ATP2B2: variants seen among roughly 807,000 people sequenced by gnomAD.
The protein encoded by ATP2B2 is plasma membrane calcium-transporting ATPase 2.
Under a neutral mutation model 120.0 loss-of-function variants are expected in ATP2B2, and 15 were observed. The observed-to-expected ratio is 0.12, with a 90% CI of 0.08 to 0.19. The LOEUF (loss-of-function observed/expected upper bound fraction) is 0.19. Ranked by LOEUF, ATP2B2 falls within the 10% of genes least tolerant of loss-of-function variation. ATP2B2 has a pLI of 1.00. For missense variants in ATP2B2, 1,045 were observed against 1,719.8 expected, an observed-to-expected ratio of 0.61 and a Z score of 6.94; for synonymous variants, 694 against 700.3, an observed-to-expected ratio of 0.99 and a Z score of 0.14.
intron 22 of ATP2B2, among the ~76,000 whole-genome samples, chr3:10,333,110 C>T (rs1316623873): frequency 6.6e-6 from 1 of 152,092 alleles, no homozygotes; most frequent in Admixed American, 6.5e-5. Context: ...GCGATGTGTT[C>T]AGGGGTTTTC....
intron 1 of ATP2B2, among the ~76,000 whole-genome samples, chr3:10,680,993 G>A (rs569699937): frequency 1.1e-4 from 16 of 152,184 alleles, no homozygotes; most frequent in East Asian, 1.9e-4. Flanking sequence ...GTGTGCTCTC[G>A]CGAGATCTGG....
chr3:10,346,037 G>A lies in ATP2B2; in HGVS notation c.2505C>T (p.Phe835=), dbSNP rs770755497. The change falls in exon 17 of 23, where the codon TTC becomes TTT. Residue 835 remains phenylalanine, a synonymous_variant. Coordinates refer to ENST00000360273, the MANE Select transcript of ATP2B2 (RefSeq NM_001001331.4). This position sits in a 1 kb window ranked among gnomAD's most constrained non-coding sequence, Gnocchi z 4.1. The stretch of plus-strand genomic sequence containing the variant: ...CTCTGTGGGCCGTTCCTACCATGGC[G>A]AAGCCCACGTCGGCCTTCTTGAGTG... The part of the protein sequence containing the change: ...GPALKKADVG[F]AMGIAGTDVA... 8.0e-5 allele frequency: 129 copies of A among 1,611,404 alleles called. 2 individuals are homozygous for A. The highest frequency in any genetic ancestry group is 4.9e-4 in the Middle Eastern group (3 of 6,062).
chr3:10,691,468 G>C, intron 1 of ATP2B2, among the ~76,000 whole-genome samples: 1 of 152,172 alleles, frequency 6.6e-6, no homozygotes, highest in Non-Finnish European at 1.5e-5. Context: ...TTTTCCAGCT[G>C]TGGTTCCTTG....
rs76758458 is a variant in ATP2B2, at chr3:10,694,208, T to G, written c.-460+13707A>C. Among the ~76,000 whole-genome samples the G allele has an allele frequency of 2.5e-4, 38 of 152,362 alleles. 1 individual carries two copies. In the East Asian group the frequency reaches 7.3e-3, roughly 29 times the overall value. Reference sequence around the variant, plus strand: ...CTGTGTGTGTGCACAAGTGCATATGTAGCTCCATGCAATTTTATCACATTA... The same window carrying G: ...CTGTGTGTGTGCACAAGTGCATATGGAGCTCCATGCAATTTTATCACATTA... On this transcript the variant is annotated intron_variant, in intron 1 of 21. Transcript: ENST00000646379.
chr3:10,429,142 T>C (rs2063233142), intron 2 of ATP2B2, among the ~76,000 whole-genome samples: 1 of 152,094 alleles, frequency 6.6e-6, no homozygotes, highest in Non-Finnish European at 1.5e-5. Flanking sequence ...CTTTGCATCC[T>C]CCGGGTCTCC....
chr3:10,512,487 C>CACACAGACACACACACACACACAG (rs2066789874), intron 3 of ATP2B2, among the ~76,000 whole-genome samples: 3 of 151,808 alleles, frequency 2.0e-5, no homozygotes, highest in African/African-American at 7.3e-5. Context: ...CACACACACA[C>CACACAGACACACACACACACACAG]ACACACACAC....
At chr3:10,445,139 T>C (rs1331879768) in intron 2 of ATP2B2, among the ~76,000 whole-genome samples, 1 of 152,160 alleles carries the variant, frequency 6.6e-6, no homozygotes, top group Non-Finnish European at 1.5e-5. Context: ...AACACTAGAG[T>C]ATAATAACAA....
chr3:10,344,793 C>T (rs1391253364), intron 18 of ATP2B2, among the ~76,000 whole-genome samples: 1 of 152,204 alleles, frequency 6.6e-6, no homozygotes, highest in Non-Finnish European at 1.5e-5. Flanking sequence ...AGTCTGCAGA[C>T]ATCTGGGGCC....
At chr3:10,364,932 C>T (rs1371625057) in intron 12 of ATP2B2, among the ~76,000 whole-genome samples, 2 of 152,330 alleles carry the variant, frequency 1.3e-5, no homozygotes, top group Admixed American at 1.3e-4. Context: ...CCAACCTCAA[C>T]AGCTGTAGCC....
intron 1 of ATP2B2, among the ~76,000 whole-genome samples, chr3:10,685,164 G>A (rs2071488240): frequency 6.6e-6 from 1 of 152,218 alleles, no homozygotes; most frequent in Non-Finnish European, 1.5e-5. Flanking sequence ...AATCCCTGGG[G>A]TTGCTGTGAG....
chr3:10,513,735 G>A (rs1305757020), intron 3 of ATP2B2, among the ~76,000 whole-genome samples: 1 of 152,182 alleles, frequency 6.6e-6, no homozygotes, highest in Non-Finnish European at 1.5e-5. Flanking sequence ...ATGTGCAGGG[G>A]GCTGAGGGGG....
At chr3:10,587,314 G>A (rs1046648617) in intron 2 of ATP2B2, among the ~76,000 whole-genome samples, 15 of 144,244 alleles carry the variant, frequency 1.0e-4, no homozygotes, top group Admixed American at 1.0e-3. Context: ...CAATATATAT[G>A]TATATATGTC....
chr3:10,470,944 G>A (rs1289248883), intron 1 of ATP2B2, among the ~76,000 whole-genome samples: 1 of 152,204 alleles, frequency 6.6e-6, no homozygotes. Context: ...CTGACAGCAC[G>A]GGGGACAACA....
chr3:10,452,149 C>T (rs1575270381), intron 1 of ATP2B2, among the ~76,000 whole-genome samples: 1 of 152,326 alleles, frequency 6.6e-6, no homozygotes, highest in South Asian at 2.1e-4. Flanking sequence ...AAGTCACTTG[C>T]CCAAGGTCAC....
intron 2 of ATP2B2, among the ~76,000 whole-genome samples, chr3:10,600,320 T>C (rs914307516): frequency 2.6e-5 from 4 of 152,180 alleles, no homozygotes; most frequent in African/African-American, 9.7e-5. Context: ...AGTAACCCAT[T>C]GCTGACTGGC....
chr3:10,702,548 A>G (rs1236340166), intron 1 of ATP2B2, among the ~76,000 whole-genome samples: 1 of 152,162 alleles, frequency 6.6e-6, no homozygotes, highest in Non-Finnish European at 1.5e-5. Flanking sequence ...GAGAGGATGG[A>G]GCATCGCACA....
chr3:10,512,556 C>A (rs1161538529), intron 3 of ATP2B2, among the ~76,000 whole-genome samples: 1 of 151,888 alleles, frequency 6.6e-6, no homozygotes, highest in Non-Finnish European at 1.5e-5. Flanking sequence ...GAGAGTATCA[C>A]CCCCACTTTA....
chr3:10,449,046 A>C (rs1413535557), intron 2 of ATP2B2, among the ~76,000 whole-genome samples: 1 of 152,188 alleles, frequency 6.6e-6, no homozygotes, highest in Non-Finnish European at 1.5e-5. Flanking sequence ...CAGAATGTTG[A>C]ACTCGCCACT....
intron 2 of ATP2B2, among the ~76,000 whole-genome samples, chr3:10,575,613 TGAG>T (rs1348152621): frequency 6.6e-6 from 1 of 152,188 alleles, no homozygotes; most frequent in Non-Finnish European, 1.5e-5. Context: ...GACACTGACT[TGAG>T]AAGACTTAGC....
Sources: allele counts gnomAD v4.1 joint callset (sites outside exome capture counted in the v4.1 genomes callset), GRCh38; gene constraint gnomAD v4.1.1; non-coding constraint Gnocchi (gnomAD v3.1); transcripts MANE v1.5; gene names NCBI Gene and HGNC (gene_info 2026-07-23, HGNC 2026-07-21).